Variants in BRINP3 observed in about 807,000 individuals in gnomAD.
The protein encoded by BRINP3 is BMP/retinoic acid-inducible neural-specific protein 3.
BRINP3 carries 19 observed loss-of-function variants against 71.0 expected under a neutral mutation model. The ratio of observed to expected loss-of-function variants is 0.27; its 90% CI spans 0.19 to 0.39. The LOEUF is 0.39. BRINP3 is among the 10% of genes least tolerant of loss of function. The probability of loss-of-function intolerance (pLI) is 1.00; values close to 1 mark genes in which losing one functional copy is unlikely to be tolerated. For missense variants in BRINP3, 959 were observed against 940.8 expected (o/e 1.02, Z -0.25); for synonymous variants, 380 against 337.7 (o/e 1.13, Z -1.37).
At chr1:190,384,188 A>C (rs1225386809) in intron 2 of BRINP3, among the ~76,000 whole-genome samples, 1 of 124,438 alleles carries the variant, frequency 8.0e-6, no homozygotes, top group African/African-American at 2.6e-5. Context: ...CTTTTTCTTC[A>C]GGTTTTATTT....
At chr1:190,171,695 A>G (rs1558032884) in intron 6 of BRINP3, among the ~76,000 whole-genome samples, 1 of 152,202 alleles carries the variant, frequency 6.6e-6, no homozygotes, top group Non-Finnish European at 1.5e-5. Flanking sequence ...AGTTAAGAAC[A>G]AGCATAAAAT....
At chr1:190,226,654 C>T (rs879451126) in intron 5 of BRINP3, among the ~76,000 whole-genome samples, 1 of 151,878 alleles carries the variant, frequency 6.6e-6, no homozygotes, top group African/African-American at 2.4e-5. Context: ...TTTGAAAATA[C>T]ACATATGCAT....
chr1:190,381,738 C>T (rs1160976307), intron 2 of BRINP3, among the ~76,000 whole-genome samples: 1 of 152,144 alleles, frequency 6.6e-6, no homozygotes, highest in Non-Finnish European at 1.5e-5. Context: ...AGCTAATTCT[C>T]ATTCATGTTA....
At chr1:190,240,190 T>A (rs538760614) in intron 4 of BRINP3, among the ~76,000 whole-genome samples, 1 of 152,016 alleles carries the variant, frequency 6.6e-6, no homozygotes, top group African/African-American at 2.4e-5. Context: ...TAGTTTTTTC[T>A]TGTAAGTTCA....
chr1:190,247,127 C>T (rs1195672796), intron 4 of BRINP3, among the ~76,000 whole-genome samples: 2 of 151,664 alleles, frequency 1.3e-5, no homozygotes, highest in African/African-American at 2.4e-5. Flanking sequence ...AATTTTCTAG[C>T]ACAGAGCATG....
intron 1 of BRINP3, among the ~76,000 whole-genome samples, chr1:190,462,377 A>G (rs1676453485): frequency 6.6e-6 from 1 of 152,144 alleles, no homozygotes; most frequent in African/African-American, 2.4e-5. Context: ...CTAAAGACAG[A>G]AACTATATAT....
chr1:190,356,009 G>A (rs568512651), intron 2 of BRINP3, among the ~76,000 whole-genome samples: 32 of 151,838 alleles, frequency 2.1e-4, no homozygotes, highest in Non-Finnish European at 4.0e-4. Context: ...CTATATATTC[G>A]CCTACATGTT....
chr1:190,265,951 A>G (rs1479079601), intron 3 of BRINP3, among the ~76,000 whole-genome samples: 2 of 152,212 alleles, frequency 1.3e-5, no homozygotes, highest in Non-Finnish European at 1.5e-5. Flanking sequence ...TGTGAAAAAC[A>G]CTGAAATCTA....
chr1:190,402,988 A>G (rs575934659), intron 2 of BRINP3, among the ~76,000 whole-genome samples: 69 of 152,216 alleles, frequency 4.5e-4, no homozygotes, highest in African/African-American at 1.6e-3. Context: ...CGGCCTCCCA[A>G]CGTGCTGGGA....
At chr1:190,146,906 T>C (rs1465279688) in intron 7 of BRINP3, among the ~76,000 whole-genome samples, 4 of 152,038 alleles carry the variant, frequency 2.6e-5, no homozygotes, top group African/African-American at 7.2e-5. Flanking sequence ...AATATATACA[T>C]ACAGAATTAT....
At chr1:190,231,112 G>C (rs184118998) in intron 5 of BRINP3, among the ~76,000 whole-genome samples, 3 of 151,672 alleles carry the variant, frequency 2.0e-5, no homozygotes, top group Admixed American at 1.3e-4. Context: ...TAAGTATGAA[G>C]AAATATTTTT....
At chr1:190,161,726 A>G (rs112177021) in intron 6 of BRINP3, among the ~76,000 whole-genome samples, 291 of 152,294 alleles carry the variant, frequency 1.9e-3, no homozygotes, top group African/African-American at 6.5e-3. Context: ...CTAAAGGTGG[A>G]AACAACTAGA....
intron 4 of BRINP3, among the ~76,000 whole-genome samples, chr1:190,253,942 T>C (rs1660398793): frequency 6.6e-6 from 1 of 152,204 alleles, no homozygotes; most frequent in South Asian, 2.1e-4. Context: ...TTAATTTTTG[T>C]ATAAGGTGTA....
chr1:190,240,429 G>A (rs1052385135), intron 4 of BRINP3, among the ~76,000 whole-genome samples: 21 of 151,896 alleles, frequency 1.4e-4, no homozygotes, highest in Admixed American at 1.4e-3. Flanking sequence ...GACCCCATAG[G>A]TCTACTTGCA....
intron 3 of BRINP3, among the ~76,000 whole-genome samples, chr1:190,265,565 T>C (rs893195646): frequency 2.2e-5 from 3 of 136,882 alleles, no homozygotes; most frequent in Non-Finnish European, 4.9e-5. Context: ...TATATATAAA[T>C]TAGCCGGGCG....
intron 2 of BRINP3, among the ~76,000 whole-genome samples, chr1:190,283,220 A>G (rs1663174020): frequency 6.6e-6 from 1 of 152,056 alleles, no homozygotes; most frequent in South Asian, 2.1e-4. Flanking sequence ...GAATCAGCTC[A>G]TCTAAAGTTT....
chr1:190,317,121 G>A (rs543686424), intron 2 of BRINP3, among the ~76,000 whole-genome samples: 7 of 148,920 alleles, frequency 4.7e-5, no homozygotes, highest in South Asian at 2.1e-4. Flanking sequence ...TCAATGAGCC[G>A]AGATTGGGCC....
intron 2 of BRINP3, among the ~76,000 whole-genome samples, chr1:190,433,956 C>T (rs887815664): frequency 6.6e-6 from 1 of 152,046 alleles, no homozygotes; most frequent in Non-Finnish European, 1.5e-5. Context: ...ATCCCCACCC[C>T]GGTTTTCTGC....
At chr1:190,392,307 T>G (rs555601053) in intron 2 of BRINP3, among the ~76,000 whole-genome samples, 1 of 151,690 alleles carries the variant, frequency 6.6e-6, no homozygotes, top group Non-Finnish European at 1.5e-5. Flanking sequence ...TTTAGTTCTC[T>G]TATACAGACT....
Sources: allele counts gnomAD v4.1 joint callset (sites outside exome capture counted in the v4.1 genomes callset), GRCh38; gene constraint gnomAD v4.1.1; transcripts MANE v1.5; gene names NCBI Gene and HGNC (gene_info 2026-07-23, HGNC 2026-07-21).